TENM2: variants seen among roughly 807,000 people sequenced by gnomAD.
TENM2 encodes the protein teneurin transmembrane protein 2, also known as teneurin-2.
TENM2 carries 52 observed loss-of-function variants against 245.2 expected under a neutral mutation model. The observed-to-expected ratio is 0.21, with a 90% CI of 0.17 to 0.27. The LOEUF is 0.27. Among genes scored for constraint, TENM2 ranks in the 10% least tolerant of loss-of-function variants. TENM2 has a pLI of 1.00. For missense variants in TENM2, 3,046 were observed against 3,666.8 expected (o/e 0.83, Z 4.37); for synonymous variants, 1,363 against 1,438.9 (o/e 0.95, Z 1.19).
chr5:167,370,623 C>A (rs542836486), intron 1 of TENM2, among the ~76,000 whole-genome samples: 2 of 152,302 alleles, frequency 1.3e-5, no homozygotes, highest in Admixed American at 1.3e-4. Context: ...TACCATGGGG[C>A]CACACTGGGT....
intron 2 of TENM2, among the ~76,000 whole-genome samples, chr5:167,498,077 A>G (rs1311537865): frequency 1.3e-5 from 2 of 152,112 alleles, no homozygotes; most frequent in Admixed American, 6.6e-5. Flanking sequence ...ACCAGTTGCA[A>G]ATTACAAATA....
At chr5:167,899,990 A>G (rs2151508931) in intron 3 of TENM2, among the ~76,000 whole-genome samples, 1 of 151,994 alleles carries the variant, frequency 6.6e-6, no homozygotes, top group East Asian at 1.9e-4. Context: ...AACCTCAGTT[A>G]GTTAGTGTGG....
chr5:167,366,213 T>C (rs1760044754), intron 1 of TENM2, among the ~76,000 whole-genome samples: 1 of 152,050 alleles, frequency 6.6e-6, no homozygotes, highest in South Asian at 2.1e-4. Context: ...GCAGAAATTT[T>C]TAAAAAGCCT....
chr5:167,731,674 A>C (rs1760447117), intron 2 of TENM2, among the ~76,000 whole-genome samples: 1 of 149,392 alleles, frequency 6.7e-6, no homozygotes, highest in Non-Finnish European at 1.5e-5. Context: ...CTGGGTGGTC[A>C]CTAAAGCATC....
the TENM2 span, among the ~76,000 whole-genome samples, chr5:167,061,079 A>G: frequency 9.7e-6 from 1 of 102,994 alleles, no homozygotes. Context: ...TGCGTGATTA[A>G]TCTCTCTCCA....
chr5:167,346,758 T>A (rs1758480093), intron 1 of TENM2, among the ~76,000 whole-genome samples: 2 of 152,056 alleles, frequency 1.3e-5, no homozygotes, highest in South Asian at 4.1e-4. Context: ...TTTGTGCCAG[T>A]TCTCCAAGCC....
intron 2 of TENM2, among the ~76,000 whole-genome samples, chr5:167,541,412 G>A (rs542243698): frequency 6.6e-6 from 1 of 152,206 alleles, no homozygotes; most frequent in South Asian, 2.1e-4. Context: ...AAGTAAAAAA[G>A]AAAATTTTAG....
chr5:167,056,245 T>TA, the TENM2 span, among the ~76,000 whole-genome samples: 1 of 151,806 alleles, frequency 6.6e-6, no homozygotes, highest in Non-Finnish European at 1.5e-5. Context: ...ACAAGGCAGT[T>TA]ATACTGGCAA....
the TENM2 span, among the ~76,000 whole-genome samples, chr5:167,030,700 C>A: frequency 6.6e-6 from 1 of 152,098 alleles, no homozygotes; most frequent in African/African-American, 2.4e-5. Context: ...GCGAGCAGAG[C>A]AAGGAAATGA....
intron 2 of TENM2, among the ~76,000 whole-genome samples, chr5:167,803,320 C>T (rs1314528111): frequency 6.6e-6 from 1 of 152,138 alleles, no homozygotes; most frequent in Non-Finnish European, 1.5e-5. Flanking sequence ...TCTATCTCTG[C>T]TCCTTTGAAC....
chr5:167,975,510 A>G (rs538077938), intron 4 of TENM2, among the ~76,000 whole-genome samples: 2 of 151,290 alleles, frequency 1.3e-5, no homozygotes, highest in Non-Finnish European at 2.9e-5. Context: ...GTCAGTGGGT[A>G]TGTGTCTGGC....
At chr5:167,382,843 A>G (rs1047319504) in intron 2 of TENM2, among the ~76,000 whole-genome samples, 5 of 152,234 alleles carry the variant, frequency 3.3e-5, no homozygotes, top group African/African-American at 9.6e-5. Flanking sequence ...ATAATCAAAA[A>G]GGATCTTTGA....
At chr5:167,870,579 A>ATATATATG (rs1772731741) in intron 2 of TENM2, among the ~76,000 whole-genome samples, 1 of 133,228 alleles carries the variant, frequency 7.5e-6, no homozygotes. Context: ...ATGTGTGTGT[A>ATATATATG]TATATATATG....
the TENM2 span, among the ~76,000 whole-genome samples, chr5:167,004,813 C>T: frequency 2.0e-5 from 3 of 152,138 alleles, no homozygotes; most frequent in Non-Finnish European, 2.9e-5. Flanking sequence ...AAGAGCTTTT[C>T]TTCAACTGTG....
chr5:168,209,961 CATT>C (rs1762660208), intron 19 of TENM2, among the ~76,000 whole-genome samples: 1 of 152,184 alleles, frequency 6.6e-6, no homozygotes, highest in Non-Finnish European at 1.5e-5. Context: ...CCAGAGACAT[CATT>C]GAGACCCTGC....
intron 2 of TENM2, among the ~76,000 whole-genome samples, chr5:167,800,075 T>G (rs1379646834): frequency 1.3e-5 from 2 of 152,226 alleles, no homozygotes; most frequent in Non-Finnish European, 2.9e-5. Context: ...GGTATATGAT[T>G]ACACCTTGAA....
the TENM2 span, among the ~76,000 whole-genome samples, chr5:167,197,809 G>A: frequency 6.6e-6 from 1 of 151,352 alleles, no homozygotes; most frequent in Non-Finnish European, 1.5e-5. Context: ...GCTAAAACTT[G>A]TTTCTTTCTA....
chr5:167,209,769 T>C, the TENM2 span, among the ~76,000 whole-genome samples: 1 of 152,198 alleles, frequency 6.6e-6, no homozygotes, highest in Non-Finnish European at 1.5e-5. Flanking sequence ...GGGAAAATCC[T>C]GACTGCTACA....
chr5:167,575,030 T>C (rs1013222182), intron 2 of TENM2, among the ~76,000 whole-genome samples: 3 of 151,978 alleles, frequency 2.0e-5, no homozygotes, highest in African/African-American at 4.8e-5. Flanking sequence ...TGATTATGTG[T>C]TTTTAACCTC....
Sources: gnomAD v4.1 joint callset for allele counts (sites outside exome capture counted in the v4.1 genomes callset) on GRCh38, gnomAD v4.1.1 for gene constraint, MANE v1.5 for transcripts, NCBI Gene and HGNC (gene_info 2026-07-23, HGNC 2026-07-21) for gene names.